The following SLC25A13 variants were observed in gnomAD, a reference collection of about 807,000 sequenced individuals.
SLC25A13 encodes the protein electrogenic aspartate/glutamate antiporter SLC25A13, mitochondrial.
In SLC25A13, 70 loss-of-function variants were observed where a neutral mutation model predicts 85.5. The ratio of observed to expected loss-of-function variants is 0.82; its 90% CI spans 0.68 to 1.00. The LOEUF (loss-of-function observed/expected upper bound fraction) is 1.00, where lower values mean the gene tolerates loss of function less well. SLC25A13 is among the 50% of genes least tolerant of loss of function. SLC25A13 has a pLI of 0.00. For synonymous variants in SLC25A13, 259 were observed against 288.7 expected (o/e 0.90, Z 1.04); for missense variants, 765 against 819.8 (o/e 0.93, Z 0.82).
chr7:96,228,818 G>A (rs1029851804), intron 4 of SLC25A13, among the ~76,000 whole-genome samples: 5 of 152,192 alleles, frequency 3.3e-5, no homozygotes, highest in South Asian at 2.1e-4. Flanking sequence ...GGCCAGCACC[G>A]CCAGCCCTGG....
intron 13 of SLC25A13, among the ~76,000 whole-genome samples, chr7:96,161,022 C>G (rs1226914262): frequency 2.0e-5 from 3 of 148,116 alleles, no homozygotes; most frequent in African/African-American, 7.5e-5. Context: ...TTTTTTAAAG[C>G]TCCTCTTTTC....
intron 2 of SLC25A13, among the ~76,000 whole-genome samples, chr7:96,292,605 A>G (rs991827534): frequency 6.6e-6 from 1 of 152,228 alleles, no homozygotes; most frequent in Non-Finnish European, 1.5e-5. Context: ...ATCAATGTGC[A>G]AAAATCACAA....
chr7:96,236,864 G>A (rs1796763452), intron 3 of SLC25A13, among the ~76,000 whole-genome samples: 2 of 152,130 alleles, frequency 1.3e-5, no homozygotes, highest in African/African-American at 4.8e-5. Flanking sequence ...CCACAAAATT[G>A]GCTGACAGAC....
chr7:96,220,803 A>G (rs1796096423), intron 4 of SLC25A13, among the ~76,000 whole-genome samples: 1 of 152,032 alleles, frequency 6.6e-6, no homozygotes, highest in Admixed American at 6.6e-5. Flanking sequence ...ACACAAACAC[A>G]CAGGTGCACA....
At chr7:96,165,196 G>T (rs1360738583) in intron 13 of SLC25A13, among the ~76,000 whole-genome samples, 1 of 152,170 alleles carries the variant, frequency 6.6e-6, no homozygotes, top group Non-Finnish European at 1.5e-5. Context: ...TGAAAAATAA[G>T]TAAGTTATAC....
At position 96,198,027 on chromosome 7, in the gene SLC25A13, C is replaced by T. The variant is rs113053074; in HGVS notation, c.469-4844G>A. Among the ~76,000 whole-genome samples, 90 of 152,298 alleles carry T rather than the reference C, an allele frequency of 5.9e-4. 1 individual carries two copies. Among genetic ancestry groups the T allele is most frequent in the Admixed American group, 1.3e-3 (20 of 15,282 alleles). On this transcript the variant is annotated intron_variant, in intron 5 of 17. Coordinates refer to ENST00000265631, the MANE Select transcript of SLC25A13 (RefSeq NM_014251.3). ...AGCAGGTTCCCTGACACCAGAAATA[C>T]GTGTTCAACCATAGGCTGAGGAACA...
intron 3 of SLC25A13, among the ~76,000 whole-genome samples, chr7:96,263,029 A>G (rs938355344): frequency 8.8e-5 from 12 of 136,818 alleles, no homozygotes; most frequent in African/African-American, 4.1e-4. Flanking sequence ...CATCTAGGAA[A>G]AAAAAAAAAA....
intron 2 of SLC25A13, among the ~76,000 whole-genome samples, chr7:96,288,548 G>A (rs1428197163): frequency 6.6e-6 from 1 of 152,190 alleles, no homozygotes; most frequent in African/African-American, 2.4e-5. Flanking sequence ...GACGGCACCT[G>A]GAAAATCGGG....
At chr7:96,309,132 A>C (rs935442195) in intron 1 of SLC25A13, among the ~76,000 whole-genome samples, 1 of 152,238 alleles carries the variant, frequency 6.6e-6, no homozygotes, top group Non-Finnish European at 1.5e-5. Flanking sequence ...AACAAAGTCA[A>C]AGAAGAGACA....
intron 11 of SLC25A13, among the ~76,000 whole-genome samples, chr7:96,180,696 C>CAAA (rs1276538400): frequency 6.6e-6 from 1 of 152,238 alleles, no homozygotes; most frequent in Non-Finnish European, 1.5e-5. Flanking sequence ...TAAGGCTGCT[C>CAAA]ATCTCATCAC....
intron 1 of SLC25A13, among the ~76,000 whole-genome samples, chr7:96,313,723 A>G (rs1800029674): frequency 1.3e-5 from 2 of 152,230 alleles, no homozygotes; most frequent in African/African-American, 4.8e-5. Context: ...CAATATATCC[A>G]GGTAACAAAT....
At chr7:96,240,756 A>AG (rs1156504576) in intron 3 of SLC25A13, among the ~76,000 whole-genome samples, 7 of 150,742 alleles carry the variant, frequency 4.6e-5, no homozygotes, top group Non-Finnish European at 1.0e-4. Context: ...AGAAAAAAAA[A>AG]AAAAGAAAAG....
intron 4 of SLC25A13, chr7:96,219,709 A>T (rs781183819): frequency 1.9e-6 from 1 of 534,706 alleles, no homozygotes; most frequent in Middle Eastern, 3.2e-4. Flanking sequence ...GTTAACCAAC[A>T]TTCTACACTA....
chr7:96,267,038 T>A (rs1380831426), intron 3 of SLC25A13, among the ~76,000 whole-genome samples: 1 of 152,234 alleles, frequency 6.6e-6, no homozygotes, highest in Non-Finnish European at 1.5e-5. Context: ...AATCTATGTC[T>A]ACCCTAATAG....
At chr7:96,253,419 T>G (rs1797510362) in intron 3 of SLC25A13, among the ~76,000 whole-genome samples, 1 of 152,094 alleles carries the variant, frequency 6.6e-6, no homozygotes. Context: ...ACACAAGCAT[T>G]CACCGAGCAA....
intron 13 of SLC25A13, among the ~76,000 whole-genome samples, chr7:96,147,930 CTT>C (rs796679264): frequency 9.0e-5 from 13 of 143,704 alleles, no homozygotes; most frequent in Non-Finnish European, 7.7e-5. Flanking sequence ...CTTTCTTTTC[CTT>C]TTTTTTTTTT....
chr7:96,215,820 A>G (rs1795877940), intron 4 of SLC25A13, among the ~76,000 whole-genome samples: 1 of 152,172 alleles, frequency 6.6e-6, no homozygotes, highest in African/African-American at 2.4e-5. Flanking sequence ...ATTATACTTC[A>G]TCAAAATTTA....
At chr7:96,139,633 G>C (rs1792439157) in intron 14 of SLC25A13, among the ~76,000 whole-genome samples, 1 of 151,974 alleles carries the variant, frequency 6.6e-6, no homozygotes, top group South Asian at 2.1e-4. Flanking sequence ...TTTTGATGTT[G>C]GTATATTTGT....
At chr7:96,313,243 G>A (rs565808561) in intron 1 of SLC25A13, among the ~76,000 whole-genome samples, 1 of 152,260 alleles carries the variant, frequency 6.6e-6, no homozygotes, top group East Asian at 1.9e-4. Context: ...GGAACTGGAG[G>A]GAGGAGACAA....
Sources: gnomAD v4.1 joint callset for allele counts (sites outside exome capture counted in the v4.1 genomes callset) on GRCh38, gnomAD v4.1.1 for gene constraint, MANE v1.5 for transcripts, NCBI Gene and HGNC (gene_info 2026-07-23, HGNC 2026-07-21) for gene names.